GLIS3: variants seen among roughly 807,000 people sequenced by gnomAD.
GLIS3 encodes zinc finger protein GLIS3.
A neutral mutation model predicts 78.6 loss-of-function variants in GLIS3; 53 were observed. The ratio of observed to expected loss-of-function variants is 0.67; its 90% CI spans 0.54 to 0.85. The LOEUF is 0.85. GLIS3 is among the 40% of genes least tolerant of loss of function. GLIS3 has a pLI of 0.00. For missense variants in GLIS3, 1,703 were observed against 1,231.1 expected (o/e 1.38, Z -5.74); for synonymous variants, 684 against 509.9 (o/e 1.34, Z -4.60).
chr9:4,133,510 CA>C (rs1833132927), intron 2 of GLIS3, among the ~76,000 whole-genome samples: 1 of 152,154 alleles, frequency 6.6e-6, no homozygotes, highest in Admixed American at 6.5e-5. Flanking sequence ...GTACATAACA[CA>C]GTAGCTAAGA....
intron 6 of GLIS3, among the ~76,000 whole-genome samples, chr9:3,910,346 GTTAT>G (rs746487890): frequency 7.9e-5 from 12 of 152,044 alleles, no homozygotes; most frequent in African/African-American, 1.7e-4. Flanking sequence ...ATTTTGTTTT[GTTAT>G]TTATTTATTT....
chr9:4,468,462 G>C, the GLIS3 span, among the ~76,000 whole-genome samples: 6 of 152,258 alleles, frequency 3.9e-5, no homozygotes, highest in Non-Finnish European at 7.3e-5. Flanking sequence ...CAAGCCAGAA[G>C]AGAGTGGGGG....
intron 2 of GLIS3, among the ~76,000 whole-genome samples, chr9:4,343,084 A>G (rs1817857567): frequency 6.6e-6 from 1 of 152,180 alleles, no homozygotes; most frequent in Non-Finnish European, 1.5e-5. Context: ...CATGCCTACA[A>G]TCCCAGCACT....
chr9:4,292,198 T>C (rs1309802473), intron 1 of GLIS3, among the ~76,000 whole-genome samples: 2 of 152,190 alleles, frequency 1.3e-5, no homozygotes, highest in African/African-American at 4.8e-5. Context: ...TGCAATTCAT[T>C]GGTGGTCCAT....
At chr9:4,120,097 GTGTC>G (rs1477347487) in intron 3 of GLIS3, among the ~76,000 whole-genome samples, 3 of 152,092 alleles carry the variant, frequency 2.0e-5, no homozygotes, top group Non-Finnish European at 2.9e-5. Context: ...TATATAAAAC[GTGTC>G]TTCTCAAAAT....
At chr9:3,878,738 C>G (rs1030223900) in intron 8 of GLIS3, 4 of 153,904 alleles carry the variant, frequency 2.6e-5, no homozygotes, top group African/African-American at 9.7e-5. Context: ...CCAAAGCTAC[C>G]TGTACTGATG....
intron 4 of GLIS3, among the ~76,000 whole-genome samples, chr9:4,085,749 C>G (rs569435821): frequency 2.1e-4 from 32 of 152,198 alleles, no homozygotes. Context: ...CTCATGAGAT[C>G]TGGTTGTTAA....
intron 4 of GLIS3, among the ~76,000 whole-genome samples, chr9:4,105,864 C>G (rs1019814415): frequency 2.0e-5 from 3 of 152,068 alleles, no homozygotes; most frequent in African/African-American, 7.2e-5. Context: ...CAATAGAACA[C>G]GATCGGGGTG....
At chr9:3,895,134 AC>A (rs1268236699) in intron 7 of GLIS3, among the ~76,000 whole-genome samples, 1 of 152,220 alleles carries the variant, frequency 6.6e-6, no homozygotes, top group Non-Finnish European at 1.5e-5. Context: ...TCTCAGACTC[AC>A]CAAATATGGG....
At chr9:3,876,811 C>G (rs555343309) in intron 8 of GLIS3, among the ~76,000 whole-genome samples, 1 of 149,984 alleles carries the variant, frequency 6.7e-6, no homozygotes, top group Non-Finnish European at 1.5e-5. Context: ...TACAAACTTT[C>G]AAGAGGAGGA....
intron 4 of GLIS3, among the ~76,000 whole-genome samples, chr9:3,965,233 G>A (rs549228419): frequency 4.2e-5 from 5 of 118,484 alleles, no homozygotes; most frequent in African/African-American, 1.7e-4. Flanking sequence ...CTCGCTCAGT[G>A]CCCAGGCTGG....
chr9:3,859,481 A>T (rs1820029306), intron 8 of GLIS3, among the ~76,000 whole-genome samples: 1 of 152,004 alleles, frequency 6.6e-6, no homozygotes, highest in African/African-American at 2.4e-5. Context: ...GGTAAATTAA[A>T]TTTTTTTGAT....
At chr9:3,904,223 T>A (rs1823511261) in intron 6 of GLIS3, among the ~76,000 whole-genome samples, 1 of 152,210 alleles carries the variant, frequency 6.6e-6, no homozygotes, top group South Asian at 2.1e-4. Context: ...CTTGATGGGC[T>A]TAACATCTAC....
At chr9:4,352,600 G>A (rs983013761), upstream of GLIS3, among the ~76,000 whole-genome samples, 1 of 152,222 alleles carries the variant, frequency 6.6e-6, no homozygotes, top group Non-Finnish European at 1.5e-5. Flanking sequence ...CTTCTGTAGA[G>A]GGAGGTTTCT....
At chr9:4,095,299 A>G (rs1829853599) in intron 4 of GLIS3, among the ~76,000 whole-genome samples, 1 of 152,200 alleles carries the variant, frequency 6.6e-6, no homozygotes, top group Non-Finnish European at 1.5e-5. Flanking sequence ...TGCTGTACCA[A>G]AAAGCTATCC....
At chr9:4,318,607 C>T (rs532929156) in intron 2 of GLIS3, among the ~76,000 whole-genome samples, 1 of 152,036 alleles carries the variant, frequency 6.6e-6, no homozygotes, top group African/African-American at 2.4e-5. Flanking sequence ...CAAAAAGAGT[C>T]CAGATGTTCA....
rs187373039 is a variant in GLIS3, at chr9:3,972,598, G to C, written c.1711-35409C>G. On this transcript the variant is annotated intron_variant, in intron 4 of 10. Transcript: ENST00000381971. ...GTTTGCTTTCTGATAGATTATCATA[G>C]GGTTACATTTCACATAAGCCATCTT... Among the ~76,000 whole-genome samples, 166 of 152,176 alleles carry C rather than the reference G, an allele frequency of 1.1e-3. 1 individual carries two copies. Among genetic ancestry groups the C allele is most frequent in the Non-Finnish European group, 2.1e-3 (146 of 67,978 alleles).
At chr9:4,432,332 A>C in the GLIS3 span, among the ~76,000 whole-genome samples, 20 of 152,300 alleles carry the variant, frequency 1.3e-4, no homozygotes, top group Admixed American at 3.3e-4. Flanking sequence ...TTGATTCTTA[A>C]AGCTAGGGTA....
chr9:4,238,262 G>C (rs904262273), intron 2 of GLIS3, among the ~76,000 whole-genome samples: 1 of 151,054 alleles, frequency 6.6e-6, no homozygotes, highest in Admixed American at 6.6e-5. Context: ...TCTCTTAATA[G>C]AACTCAGTAT....
Sources: allele counts gnomAD v4.1 joint callset (sites outside exome capture counted in the v4.1 genomes callset), GRCh38; gene constraint gnomAD v4.1.1; transcripts MANE v1.5; gene names NCBI Gene and HGNC (gene_info 2026-07-23, HGNC 2026-07-21).